Variants in NWD1 observed in about 807,000 individuals in gnomAD.
NWD1 encodes the protein NACHT and WD repeat domain containing 1.
Under a neutral mutation model 135.1 loss-of-function variants are expected in NWD1, and 129 were observed. The ratio of observed to expected loss-of-function variants is 0.96; its 90% CI spans 0.83 to 1.11. The LOEUF (loss-of-function observed/expected upper bound fraction) is 1.11, where lower values mean the gene tolerates loss of function less well. Among genes scored for constraint, NWD1 ranks in the 50% least tolerant of loss-of-function variants. The pLI is 0.00. For synonymous variants in NWD1, 773 were observed against 786.0 expected (o/e 0.98, Z 0.28); for missense variants, 1,740 against 1,851.3 (o/e 0.94, Z 1.10).
At position 16,748,455 on chromosome 19, in the gene NWD1, G is replaced by A. The variant is rs566986451; in HGVS notation, c.497-684G>A. Among the ~76,000 whole-genome samples the A allele has an allele frequency of 3.9e-5, 6 of 152,256 alleles. No homozygotes were observed. In the South Asian group the frequency reaches 1.2e-3, roughly 32 times the overall value. On this transcript the variant is annotated intron_variant, in intron 5 of 18. Coordinates refer to ENST00000524140, the MANE Select transcript of NWD1 (RefSeq NM_001007525.5). ...ACTCCATGTTTCACTTTTTGAGGAT[G>A]ACAGCATTGTTTTACAGTGTGACTG...
chr19:16,736,470 T>G (rs1330290837), intron 3 of NWD1, among the ~76,000 whole-genome samples, 164 bp from the exon 4 acceptor site: 1 of 152,104 alleles, frequency 6.6e-6, no homozygotes, highest in Non-Finnish European at 1.5e-5. Flanking sequence ...ATGATTATAC[T>G]GAGGTTATGA....
chr19:16,802,500 C>T (rs1231178476), intron 17 of NWD1, among the ~76,000 whole-genome samples: 1 of 150,340 alleles, frequency 6.7e-6, no homozygotes, highest in East Asian at 2.0e-4. Context: ...GCTAGCACTT[C>T]CCTCTCTCTT....
chr19:16,780,982 G>A (rs565307637), intron 12 of NWD1, among the ~76,000 whole-genome samples: 1 of 152,216 alleles, frequency 6.6e-6, no homozygotes, highest in African/African-American at 2.4e-5. Flanking sequence ...TTGATGGGAG[G>A]AGCTGCAAAG....
chr19:16,744,788 T>C, intron 5 of NWD1, 70 bp downstream of exon 5: 2 of 1,339,628 alleles, frequency 1.5e-6, no homozygotes, highest in Non-Finnish European at 2.1e-6. Context: ...ATCCATCCCC[T>C]GTTGGCAAAA....
rs35083498 is a variant in NWD1, at chr19:16,731,610, C to CT, written c.81+344dup. On this transcript the variant is annotated intron_variant, in intron 3 of 18. Transcript: ENST00000524140. ...GTGAGCCACTGAGCCCAGCCCCATG[C>CT]TTTTTTTTTTTTGAGACAGAGTCTC... Among the ~76,000 whole-genome samples the CT allele has an allele frequency of 9.5e-4, 133 of 139,524 alleles. 8 individuals are homozygous for CT. Among genetic ancestry groups the CT allele is most frequent in the South Asian group, 2.0e-3 (9 of 4,398 alleles). The allele number at this position is 139,524 out of a possible 152,430, so 91.5% of individuals were successfully genotyped here. A position where few individuals can be genotyped will look rare whatever the true frequency, so the allele number is the denominator to read the frequency against.
At position 16,807,788 on chromosome 19, in the gene NWD1, C is replaced by T. The variant is rs771736009; in HGVS notation, c.3939C>T (p.Arg1313=). The T allele has an allele frequency of 6.2e-7, 1 of 1,613,928 alleles. No homozygotes were observed. Among genetic ancestry groups the T allele is most frequent in the Non-Finnish European group, 8.5e-7 (1 of 1,179,834 alleles). The change falls in exon 18 of 19, where the codon CGC becomes CGT. Residue 1313 remains arginine, a synonymous_variant. Transcript: ENST00000524140. ...NCMSLSKCED[R]LAIAYDNIVL... ...TGTCCCTGAGCAAGTGCGAGGACCGCCTGGCCATCGCCTATGACAACATCG... is the reference window on the plus strand; with the variant it reads ...TGTCCCTGAGCAAGTGCGAGGACCGTCTGGCCATCGCCTATGACAACATCG...
Position 16,776,141 on chromosome 19 carries a change from C to T in NWD1, c.2608+2818C>T, listed in dbSNP as rs866321053. Among the ~76,000 whole-genome samples the T allele has an allele frequency of 2.3e-4, 35 of 152,108 alleles. 1 individual carries two copies. The highest frequency in any genetic ancestry group is 1.9e-3 in the Admixed American group (29 of 15,244). ...ACAGGCATAGGAAGTTACAGCTTAG[C>T]GTGACATTTTTCTCATCTCTGGGGC... On this transcript the variant is annotated intron_variant, in intron 11 of 18. Coordinates refer to ENST00000524140, the MANE Select transcript of NWD1 (RefSeq NM_001007525.5).
intron 5 of NWD1, among the ~76,000 whole-genome samples, chr19:16,748,468 T>C (rs1180163128): frequency 6.6e-6 from 1 of 152,158 alleles, no homozygotes; most frequent in Admixed American, 6.6e-5. Flanking sequence ...AGCATTGTTT[T>C]ACAGTGTGAC....
intron 15 of NWD1, among the ~76,000 whole-genome samples, chr19:16,797,408 G>C (rs1193176090): frequency 6.9e-6 from 1 of 145,130 alleles, no homozygotes; most frequent in African/African-American, 2.6e-5. Flanking sequence ...TCAGCTTACT[G>C]CAGCCTCTGC....
At chr19:16,778,465 CTTTTCTTTTCT>C in intron 11 of NWD1, among the ~76,000 whole-genome samples, 1 of 146,754 alleles carries the variant, frequency 6.8e-6, no homozygotes, top group Non-Finnish European at 1.5e-5. Flanking sequence ...TTCTTTCTTT[CTTTTCTTTTCT>C]TTCTTCTTCT....
At position 16,808,121 on chromosome 19, in the gene NWD1, C is replaced by T. The variant is rs919506830; in HGVS notation, c.4272C>T (p.Phe1424=). 9 of 1,613,598 alleles carry T rather than the reference C, an allele frequency of 5.6e-6. No individual in the cohort carries two copies. The highest frequency in any genetic ancestry group is 2.7e-5 in the African/African-American group (2 of 75,004). ...LWDLQARKWK[F]EMSYTAPC is the part of the protein sequence containing the mutation. The stretch of plus-strand genomic sequence containing the variant: ...ACCTGCAGGCACGCAAGTGGAAATT[C>T]GAGATGAGCTACACGGTGGGTGGCC... Residue 1424 remains phenylalanine, a synonymous_variant, in exon 18 of 19, where the codon TTC becomes TTT. Coordinates refer to ENST00000524140, the MANE Select transcript of NWD1 (RefSeq NM_001007525.5).
chr19:16,734,929 C>A (rs116913409), intron 3 of NWD1, among the ~76,000 whole-genome samples: 7,323 of 151,846 alleles, frequency 0.048, 286 homozygotes, highest in South Asian at 0.11. Context: ...TTTTTTATTT[C>A]TTAATTTTTA....
chr19:16,763,992 C>A, intron 9 of NWD1, 47 bp downstream of exon 9: 1 of 1,126,630 alleles, frequency 8.9e-7, no homozygotes, highest in Non-Finnish European at 1.4e-6. Context: ...GTGACTGCAC[C>A]ACGCTCCAGT....
intron 2 of NWD1, among the ~76,000 whole-genome samples, 180 bp from the exon 3 acceptor site, chr19:16,731,012 G>A (rs981329112): frequency 6.6e-5 from 10 of 150,916 alleles, no homozygotes; most frequent in Non-Finnish European, 1.2e-4. Flanking sequence ...GGGAGGCAGA[G>A]GAGAGAGAAT....
chr19:16,742,045 C>A (rs762858548), intron 4 of NWD1, among the ~76,000 whole-genome samples: 1 of 151,926 alleles, frequency 6.6e-6, no homozygotes, highest in Admixed American at 6.6e-5. Flanking sequence ...TACCACTGCA[C>A]GCCAGCCTGG....
At chr19:16,763,971 G>A in intron 9 of NWD1, 26 bp downstream of exon 9, 1 of 1,398,254 alleles carries the variant, frequency 7.2e-7, no homozygotes, top group South Asian at 1.2e-5. Context: ...CATCTCAGAG[G>A]ACCGAGCCTG....
At chr19:16,766,106 T>A (rs749173668) in intron 10 of NWD1, among the ~76,000 whole-genome samples, 1 of 151,928 alleles carries the variant, frequency 6.6e-6, no homozygotes, top group African/African-American at 2.4e-5. Context: ...TAGGTACATA[T>A]ATGATAAGAG....
intron 18 of NWD1, among the ~76,000 whole-genome samples, chr19:16,811,707 G>A (rs1221889604): frequency 2.0e-5 from 3 of 152,172 alleles, no homozygotes; most frequent in Non-Finnish European, 2.9e-5. Flanking sequence ...TCTCTATGGA[G>A]GTGTGCCTGG....
rs199715274 is a variant in NWD1 at position 16,800,170 on chromosome 19, A to C, written c.3736+8A>C. 8.3e-5 allele frequency: 133 copies of C among 1,593,282 alleles called. No homozygotes were observed. Among genetic ancestry groups the C allele is most frequent in the Non-Finnish European group, 1.1e-4 (129 of 1,167,706 alleles). ...TTTGGGACTTGGCAGAAGGTTGGTAAGGTATAAGTATGGTCATTTTTGTGG... is the reference window on the plus strand; with the variant it reads ...TTTGGGACTTGGCAGAAGGTTGGTACGGTATAAGTATGGTCATTTTTGTGG... On this transcript the variant is annotated splice_region_variant and intron_variant, in intron 17 of 18. Coordinates refer to ENST00000524140, the MANE Select transcript of NWD1 (RefSeq NM_001007525.5).
Sources: allele counts gnomAD v4.1 joint callset (sites outside exome capture counted in the v4.1 genomes callset), GRCh38; gene constraint gnomAD v4.1.1; transcripts MANE v1.5; gene names NCBI Gene and HGNC (gene_info 2026-07-23, HGNC 2026-07-21).